The following PCSK5 variants were observed in gnomAD, a reference collection of about 807,000 sequenced individuals.
PCSK5 encodes the protein prohormone convertase 5.
In PCSK5, 129 loss-of-function variants were observed where a neutral mutation model predicts 233.2. The observed-to-expected ratio is 0.55, with a 90% CI of 0.48 to 0.64. The LOEUF (loss-of-function observed/expected upper bound fraction) is 0.64. PCSK5 is among the 30% of genes least tolerant of loss of function. The pLI is 0.00. For missense variants in PCSK5, 2,076 were observed against 2,430.1 expected, an observed-to-expected ratio of 0.85 and a Z score of 3.06; for synonymous variants, 825 against 879.2, an observed-to-expected ratio of 0.94 and a Z score of 1.09.
At chr9:76,344,151 G>C (rs908329644) in intron 35 of PCSK5, among the ~76,000 whole-genome samples, 1 of 152,138 alleles carries the variant, frequency 6.6e-6, no homozygotes, top group African/African-American at 2.4e-5. Flanking sequence ...GTGGCTAGTG[G>C]CTGCTGTATT....
At chr9:76,223,598 A>G (rs1825796395) in intron 20 of PCSK5, among the ~76,000 whole-genome samples, 1 of 152,232 alleles carries the variant, frequency 6.6e-6, no homozygotes, top group Non-Finnish European at 1.5e-5. Context: ...TCTTTGAACC[A>G]TTATAGCATA....
chr9:76,268,562 G>A (rs1225209857), intron 24 of PCSK5, among the ~76,000 whole-genome samples: 7 of 152,314 alleles, frequency 4.6e-5, no homozygotes, highest in African/African-American at 9.6e-5. Flanking sequence ...AACTAGAAGC[G>A]GCTGGGTGCA....
intron 25 of PCSK5, among the ~76,000 whole-genome samples, chr9:76,293,049 G>T (rs1455419504): frequency 6.6e-6 from 1 of 152,150 alleles, no homozygotes; most frequent in African/African-American, 2.4e-5. Context: ...GAAAACTGAA[G>T]CTCAGAGAGG....
chr9:75,928,624 T>TAC (rs1331655495), intron 1 of PCSK5, among the ~76,000 whole-genome samples: 1 of 113,924 alleles, frequency 8.8e-6, no homozygotes, highest in East Asian at 2.2e-4. Flanking sequence ...TATATATATA[T>TAC]ATATATATAT....
At chr9:76,085,629 T>G (rs936627727) in intron 7 of PCSK5, among the ~76,000 whole-genome samples, 6 of 152,226 alleles carry the variant, frequency 3.9e-5, no homozygotes, top group African/African-American at 1.4e-4. Context: ...TTTGTTTTAA[T>G]TAAGACAGGA....
Position 76,182,729 on chromosome 9 carries a change from T to A in PCSK5, c.2197+1138T>A, listed in dbSNP as rs185536169. ...GAAAAGGACTGCAGTTATCTTTTCC[T>A]TTATTTCTGAGTTCTGGATAATTTC... On this transcript the variant is annotated intron_variant, in intron 16 of 37. Transcript: ENST00000674117. Among the ~76,000 whole-genome samples the A allele has an allele frequency of 4.6e-3, 698 of 152,282 alleles. 4 individuals are homozygous for A. Among genetic ancestry groups the A allele is most frequent in the Middle Eastern group, 0.017 (5 of 294 alleles).
chr9:76,181,419 C>T lies in PCSK5; in HGVS notation c.2025C>T (p.Pro675=), dbSNP rs199627940. 9 of 1,613,330 alleles carry T rather than the reference C, an allele frequency of 5.6e-6. No individual in the cohort carries two copies. Among genetic ancestry groups the T allele is most frequent in the African/African-American group, 1.3e-5 (1 of 74,880 alleles). ...GCAGGATCTGTGTCTCCAGCTGCCCCCCTGGCCACTACCACGCCGACAAGA... is the reference window on the plus strand; with the variant it reads ...GCAGGATCTGTGTCTCCAGCTGCCCTCCTGGCCACTACCACGCCGACAAGA... ...NNTRICVSSC[P]PGHYHADKKR... is the part of the protein sequence containing the mutation. The change falls in exon 16 of 38, where the codon CCC becomes CCT. Residue 675 remains proline (P), a synonymous_variant. Transcript: ENST00000674117.
At chr9:76,332,395 G>T in intron 33 of PCSK5, 38 bp from the exon 34 acceptor site, 1 of 1,550,174 alleles carries the variant, frequency 6.5e-7, no homozygotes, top group Non-Finnish European at 8.9e-7. Flanking sequence ...CATGTGTCAT[G>T]CTCGATGTCC....
At position 75,891,130 on chromosome 9, in the gene PCSK5, C is replaced by T. The variant is rs565601742; in HGVS notation, c.-52C>T. The T allele has an allele frequency of 2.1e-4, 303 of 1,414,116 alleles. 1 individual carries two copies. In the South Asian group the frequency reaches 4.8e-3, roughly 22 times the overall value. 87.6% of individuals were successfully genotyped at this position (1,414,116 alleles called of 1,614,324 possible). On this transcript the variant is annotated 5_prime_UTR_variant, in exon 1 of 38. Coordinates refer to ENST00000674117, the MANE Select transcript of PCSK5 (RefSeq NM_001372043.1). ...GCCGGAGAAGTTAGTTGTGCGCGCC[C>T]TTAGTGCGCGGAACCAGCCAGCGAG...
chr9:76,313,802 C>T (rs1828938647), intron 30 of PCSK5, among the ~76,000 whole-genome samples: 1 of 152,126 alleles, frequency 6.6e-6, no homozygotes, highest in African/African-American at 2.4e-5. Flanking sequence ...GTCCCTAGCT[C>T]TTGAAGGATT....
At chr9:76,172,304 T>C (rs7858468) in intron 13 of PCSK5, among the ~76,000 whole-genome samples, 90,186 of 151,886 alleles carry the variant, frequency 0.59, 27,263 homozygotes, top group Middle Eastern at 0.66. Flanking sequence ...AGCTATTTCA[T>C]AATAACAGGT....
At chr9:76,202,104 A>G (rs1003854150) in intron 20 of PCSK5, among the ~76,000 whole-genome samples, 9 of 152,212 alleles carry the variant, frequency 5.9e-5, no homozygotes, top group African/African-American at 9.6e-5. Context: ...TAATTGTTCT[A>G]TGTTATCAGA....
chr9:76,325,207 C>T (rs1445161995), intron 32 of PCSK5, among the ~76,000 whole-genome samples: 3 of 152,134 alleles, frequency 2.0e-5, no homozygotes, highest in Non-Finnish European at 4.4e-5. Context: ...AGGTGAGAGA[C>T]TCAGCAGCAG....
chr9:76,280,379 G>T (rs1262763564), intron 24 of PCSK5, among the ~76,000 whole-genome samples: 3 of 152,152 alleles, frequency 2.0e-5, no homozygotes, highest in Non-Finnish European at 4.4e-5. Context: ...ATGAAAGGAA[G>T]AGTTGCAAGT....
chr9:76,330,217 C>T (rs752248446), intron 33 of PCSK5, among the ~76,000 whole-genome samples: 25 of 152,286 alleles, frequency 1.6e-4, no homozygotes, highest in African/African-American at 3.8e-4. Flanking sequence ...AGGTTGGCCA[C>T]GGTCCCACAG....
intron 24 of PCSK5, chr9:76,287,382 C>A: frequency 1.6e-5 from 3 of 186,622 alleles, no homozygotes; most frequent in South Asian, 2.6e-4. Context: ...GTCTTCCATT[C>A]GAGTTAGAAA....
intron 16 of PCSK5, among the ~76,000 whole-genome samples, chr9:76,184,258 A>G (rs1040921249): frequency 2.6e-5 from 4 of 152,192 alleles, no homozygotes; most frequent in African/African-American, 9.7e-5. Context: ...GGGGGTCTAC[A>G]TTCCCATTCC....
At chr9:76,157,814 T>A (rs907474051) in intron 11 of PCSK5, among the ~76,000 whole-genome samples, 11 of 152,274 alleles carry the variant, frequency 7.2e-5, no homozygotes, top group African/African-American at 2.7e-4. Flanking sequence ...ATTTTCATTC[T>A]ACTCTTGTGG....
chr9:76,311,407 GT>G (rs931240013), intron 30 of PCSK5, among the ~76,000 whole-genome samples: 4 of 151,494 alleles, frequency 2.6e-5, no homozygotes, highest in Non-Finnish European at 5.9e-5. Context: ...CTGATGTCAT[GT>G]TTTTTTTCCT....
Sources: gnomAD v4.1 joint callset for allele counts (sites outside exome capture counted in the v4.1 genomes callset) on GRCh38, gnomAD v4.1.1 for gene constraint, MANE v1.5 for transcripts, NCBI Gene and HGNC (gene_info 2026-07-23, HGNC 2026-07-21) for gene names.